Variants in ROBO2 observed in about 807,000 individuals in gnomAD.
ROBO2 encodes the protein roundabout guidance receptor 2.
ROBO2 carries 53 observed loss-of-function variants against 160.8 expected under a neutral mutation model. The ratio of observed to expected loss-of-function variants is 0.33; its 90% CI spans 0.26 to 0.41. The LOEUF (loss-of-function observed/expected upper bound fraction) is 0.41, where lower values mean the gene tolerates loss of function less well. Ranked by LOEUF, ROBO2 falls within the 10% of genes least tolerant of loss-of-function variation. ROBO2 has a pLI of 1.00. For missense variants in ROBO2, 1,577 were observed against 1,722.4 expected (o/e 0.92, Z 1.49); for synonymous variants, 664 against 611.7 (o/e 1.09, Z -1.26).
chr3:77,492,278 C>T (rs1234696328), intron 4 of ROBO2, among the ~76,000 whole-genome samples: 1 of 152,110 alleles, frequency 6.6e-6, no homozygotes, highest in African/African-American at 2.4e-5. Flanking sequence ...GACAATTTTT[C>T]CAGTCTCAGA....
chr3:76,259,663 T>C (rs1244944534), intron 2 of ROBO2, among the ~76,000 whole-genome samples: 3 of 152,096 alleles, frequency 2.0e-5, no homozygotes, highest in Non-Finnish European at 4.4e-5. Flanking sequence ...CTGAGACAAA[T>C]GTAGAGAAGC....
At chr3:76,188,438 A>T (rs1010524411) in intron 2 of ROBO2, among the ~76,000 whole-genome samples, 1 of 152,074 alleles carries the variant, frequency 6.6e-6, no homozygotes, top group Non-Finnish European at 1.5e-5. Context: ...CAAGCCAAGG[A>T]ATAACAAGGA....
At chr3:76,701,790 A>G (rs2093049458) in intron 2 of ROBO2, among the ~76,000 whole-genome samples, 1 of 151,810 alleles carries the variant, frequency 6.6e-6, no homozygotes, top group African/African-American at 2.4e-5. Flanking sequence ...ATTTTGGTTT[A>G]GATTTTATTT....
Position 77,428,339 on chromosome 3 carries a change from A to ATTT in ROBO2, c.389-49050_389-49048dup, listed in dbSNP as rs59725522. ...GCATTCACAGCAAAACTTAGGTAAT[A>ATTT]TTTTTTTTTTTTTTTTTTTTTTTTT... On this transcript the variant is annotated intron_variant, in intron 2 of 25. Transcript: ENST00000461745. Among the ~76,000 whole-genome samples the ATTT allele has an allele frequency of 9.6e-3, 1,016 of 105,526 alleles. 93 individuals carry two copies. Among genetic ancestry groups the ATTT allele is most frequent in the African/African-American group, 0.04 (941 of 23,810 alleles). The allele number at this position is 105,526 out of a possible 152,430, so 69.2% of individuals were successfully genotyped here. A position where few individuals can be genotyped will look rare whatever the true frequency, so the allele number is the denominator to read the frequency against.
chr3:76,697,321 A>G (rs2092948799), intron 2 of ROBO2, among the ~76,000 whole-genome samples: 1 of 152,196 alleles, frequency 6.6e-6, no homozygotes, highest in Non-Finnish European at 1.5e-5. Flanking sequence ...AGGTCAAATG[A>G]TGAATAAACA....
At chr3:77,308,825 T>A (rs1327873023) in intron 2 of ROBO2, among the ~76,000 whole-genome samples, 1 of 152,208 alleles carries the variant, frequency 6.6e-6, no homozygotes, top group Non-Finnish European at 1.5e-5. Context: ...TTCTAACTTG[T>A]ACTTAGAGAA....
At chr3:77,525,089 C>A (rs868093813) in intron 6 of ROBO2, among the ~76,000 whole-genome samples, 1 of 151,304 alleles carries the variant, frequency 6.6e-6, no homozygotes. Flanking sequence ...GCTAATTTTT[C>A]TATGCACATA....
chr3:77,310,127 C>T (rs2063417117), intron 2 of ROBO2, among the ~76,000 whole-genome samples: 1 of 151,946 alleles, frequency 6.6e-6, no homozygotes, highest in African/African-American at 2.4e-5. Context: ...GGAAAATTTC[C>T]TCTTATTTTA....
intron 1 of ROBO2, among the ~76,000 whole-genome samples, chr3:77,067,310 C>G (rs1434207205): frequency 6.6e-6 from 1 of 152,134 alleles, no homozygotes; most frequent in Non-Finnish European, 1.5e-5. Context: ...GTTTAAAACT[C>G]AACACTCAGT....
At chr3:76,388,529 T>C (rs2875509) in intron 2 of ROBO2, among the ~76,000 whole-genome samples, 43,457 of 151,954 alleles carry the variant, frequency 0.29, 8,812 homozygotes, top group African/African-American at 0.58. Context: ...CCTCAGCCTC[T>C]CAAAGTGCTG....
At chr3:77,644,448 G>T (rs2095390982) in intron 24 of ROBO2, among the ~76,000 whole-genome samples, 1 of 151,950 alleles carries the variant, frequency 6.6e-6, no homozygotes, top group Non-Finnish European at 1.5e-5. Context: ...TTTAAATTTT[G>T]CAAATAATAT....
intron 1 of ROBO2, among the ~76,000 whole-genome samples, chr3:77,082,281 C>T (rs2068744661): frequency 6.6e-6 from 1 of 152,184 alleles, no homozygotes; most frequent in Admixed American, 6.6e-5. Context: ...GAGGTCACTC[C>T]TTGTTCCTGT....
chr3:76,507,083 A>C (rs1006823082), intron 2 of ROBO2, among the ~76,000 whole-genome samples: 1 of 152,142 alleles, frequency 6.6e-6, no homozygotes, highest in African/African-American at 2.4e-5. Context: ...ATCTTGAGTT[A>C]CATGTTTACA....
At chr3:76,357,534 G>A (rs1345677256) in intron 2 of ROBO2, among the ~76,000 whole-genome samples, 2 of 151,972 alleles carry the variant, frequency 1.3e-5, no homozygotes, top group African/African-American at 4.8e-5. Flanking sequence ...ATTCCTTTGT[G>A]GGTTGGGGTT....
chr3:76,119,126 G>A (rs574266793), intron 2 of ROBO2, among the ~76,000 whole-genome samples: 2 of 152,158 alleles, frequency 1.3e-5, no homozygotes, highest in Non-Finnish European at 2.9e-5. Context: ...GAAACGAGCT[G>A]TGTTAAATTG....
chr3:76,929,877 A>T (rs1481570909), intron 2 of ROBO2, among the ~76,000 whole-genome samples: 1 of 152,152 alleles, frequency 6.6e-6, no homozygotes, highest in African/African-American at 2.4e-5. Flanking sequence ...GAAAAGGCTA[A>T]GGCCCATTCT....
chr3:77,371,760 A>G (rs555730450), intron 2 of ROBO2, among the ~76,000 whole-genome samples: 2 of 152,292 alleles, frequency 1.3e-5, no homozygotes, highest in African/African-American at 4.8e-5. Context: ...ATCAAACCTA[A>G]TATATGCTGG....
chr3:77,212,791 T>C (rs2151112688), intron 2 of ROBO2, among the ~76,000 whole-genome samples: 1 of 152,328 alleles, frequency 6.6e-6, no homozygotes, highest in East Asian at 1.9e-4. Flanking sequence ...TGAAGTGTTG[T>C]TGAATTTTGT....
chr3:77,343,163 A>G (rs2067255344), intron 2 of ROBO2, among the ~76,000 whole-genome samples: 1 of 152,138 alleles, frequency 6.6e-6, no homozygotes, highest in Non-Finnish European at 1.5e-5. Context: ...ATTATTGCCT[A>G]AAGATCCTAT....
Sources: allele counts gnomAD v4.1 joint callset (sites outside exome capture counted in the v4.1 genomes callset), GRCh38; gene constraint gnomAD v4.1.1; transcripts MANE v1.5; gene names NCBI Gene and HGNC (gene_info 2026-07-23, HGNC 2026-07-21).